Variants in TFDP2 observed in about 807,000 individuals in gnomAD.
The protein encoded by TFDP2 is transcription factor Dp-2 (E2F dimerization partner 2).
TFDP2 carries 17 observed loss-of-function variants against 59.3 expected under a neutral mutation model. That is an observed-to-expected ratio of 0.29 (90% CI 0.20 to 0.43). The LOEUF is 0.43. Among genes scored for constraint, TFDP2 ranks in the 20% least tolerant of loss-of-function variants. The probability of loss-of-function intolerance (pLI) is 1.00; values close to 1 mark genes in which losing one functional copy is unlikely to be tolerated. For missense variants in TFDP2, 391 were observed against 528.8 expected (o/e 0.74, Z 2.56); for synonymous variants, 180 against 194.7 (o/e 0.92, Z 0.63).
At position 141,969,232 on chromosome 3, in the gene TFDP2, G is replaced by GAT. The variant is rs551304839; in HGVS notation, c.732+839_732+840dup. ...ATATATATATATCTCATATATATGA[G>GAT]ATATATATATATATAACATATATAT... On this transcript the variant is annotated intron_variant, in intron 9 of 12. Coordinates refer to ENST00000489671, the MANE Select transcript of TFDP2 (RefSeq NM_001178139.2). Among the ~76,000 whole-genome samples the GAT allele has an allele frequency of 9.1e-4, 60 of 65,828 alleles. 4 individuals are homozygous for GAT. The highest frequency in any genetic ancestry group is 3.3e-3 in the East Asian group (10 of 3,072). The allele number at this position is 65,828 out of a possible 152,430, so 43.2% of individuals were successfully genotyped here.
chr3:142,034,051 G>GT (rs1560068126), intron 3 of TFDP2, among the ~76,000 whole-genome samples: 1 of 149,344 alleles, frequency 6.7e-6, no homozygotes, highest in Non-Finnish European at 1.5e-5. Context: ...AAATTTTTTA[G>GT]TGTGGTATCT....
chr3:142,100,705 AAC>A (rs1301699466), intron 2 of TFDP2, among the ~76,000 whole-genome samples: 1 of 150,630 alleles, frequency 6.6e-6, no homozygotes, highest in East Asian at 2.0e-4. Flanking sequence ...CCTCTCTCTG[AAC>A]AGGCTGGTCC....
intron 3 of TFDP2, among the ~76,000 whole-genome samples, chr3:142,085,935 A>G (rs1016985613): frequency 6.6e-6 from 1 of 152,234 alleles, no homozygotes; most frequent in Admixed American, 6.5e-5. Context: ...CTTGATTAGT[A>G]CCTTGCCTCT....
At position 141,955,546 on chromosome 3, in the gene TFDP2, G is replaced by A. The variant is rs376982153; in HGVS notation, c.1052-2530C>T. 1.7e-3 allele frequency among the ~76,000 whole-genome samples: 257 copies of A among 152,160 alleles called. 2 individuals are homozygous for A. The highest frequency in any genetic ancestry group is 5.8e-3 in the African/African-American group (241 of 41,500). On this transcript the variant is annotated intron_variant, in intron 11 of 12. Transcript: ENST00000489671. ...GGTGGGCTGAGGGGCAAGGAGAGGC[G>A]GGGGGCCCTTGCAGGGGATGAATGG... is the stretch of plus-strand genomic sequence containing the variant.
At chr3:142,047,192 G>A (rs1176118038) in intron 3 of TFDP2, among the ~76,000 whole-genome samples, 1 of 152,138 alleles carries the variant, frequency 6.6e-6, no homozygotes, top group South Asian at 2.1e-4. Context: ...ACTGAGAAAA[G>A]AAAAGAACTT....
At chr3:142,075,219 A>G (rs2060401343) in intron 3 of TFDP2, among the ~76,000 whole-genome samples, 1 of 152,226 alleles carries the variant, frequency 6.6e-6, no homozygotes, top group African/African-American at 2.4e-5. Flanking sequence ...ATCCATCAAA[A>G]TTAAGGACTT....
At chr3:142,003,007 CT>C (rs374593564) in intron 4 of TFDP2, among the ~76,000 whole-genome samples, 713 of 142,260 alleles carry the variant, frequency 5.0e-3, no homozygotes, top group Middle Eastern at 0.011. Flanking sequence ...CTCCCTTCAA[CT>C]TTTTTTTTTT....
At chr3:142,029,191 C>T (rs931146247) in intron 3 of TFDP2, 28 of 152,526 alleles carry the variant, frequency 1.8e-4, no homozygotes, top group African/African-American at 6.5e-4. Flanking sequence ...TCTTGAAAAA[C>T]TGGTCGGGGC....
chr3:142,070,233 A>G (rs1190461921), intron 3 of TFDP2, among the ~76,000 whole-genome samples: 1 of 152,106 alleles, frequency 6.6e-6, no homozygotes, highest in Non-Finnish European at 1.5e-5. Context: ...AATCCTGCAC[A>G]AACTTCTTAA....
intron 3 of TFDP2, among the ~76,000 whole-genome samples, chr3:142,022,244 AAAG>A: frequency 6.6e-6 from 1 of 152,340 alleles, no homozygotes; most frequent in Non-Finnish European, 1.5e-5. Flanking sequence ...CTGGACACCT[AAAG>A]ATTCAAAAAT....
Position 141,963,954 on chromosome 3 carries a change from A to G in TFDP2, c.742T>C (p.Phe248Leu), listed in dbSNP as rs765761864. 5 of 1,613,356 alleles carry G rather than the reference A, an allele frequency of 3.1e-6. No homozygotes were observed. The South Asian group carries it at 4.4e-5, about 14-fold the overall frequency. The part of the protein sequence containing the change: ...LQELLLQQIA[F>L]KNLVQRNRQN... ...CGATTTCTCTGTACCAGGTTTTTGA[A>G]AGCGATTTGCTGTAATGATCAATAA... Residue 248 changes from phenylalanine to leucine, a missense_variant, in exon 10 of 13, where the codon TTC (phenylalanine) becomes CTC (leucine). Around this residue, in one of 3 missense-constraint regions of TFDP2, gnomAD observed 223 missense variants for 292.5 expected, o/e 0.76. Coordinates refer to ENST00000489671, the MANE Select transcript of TFDP2 (RefSeq NM_001178139.2).
chr3:142,008,370 C>T (rs936516329), intron 3 of TFDP2, among the ~76,000 whole-genome samples: 2 of 152,110 alleles, frequency 1.3e-5, no homozygotes, highest in African/African-American at 4.8e-5. Context: ...CTCCACAACA[C>T]TTCCTAAATG....
intron 3 of TFDP2, among the ~76,000 whole-genome samples, chr3:142,006,246 C>A (rs1396390897): frequency 6.6e-6 from 1 of 152,084 alleles, no homozygotes; most frequent in Admixed American, 6.5e-5. Context: ...TACTTAATTC[C>A]CCCAACAAAC....
At chr3:142,105,091 T>G (rs2061432182) in intron 1 of TFDP2, among the ~76,000 whole-genome samples, 1 of 152,176 alleles carries the variant, frequency 6.6e-6, no homozygotes, top group African/African-American at 2.4e-5. Context: ...CCCTCCAGTT[T>G]ATACATATTC....
chr3:142,138,167 T>C (rs1360354945), intron 1 of TFDP2, among the ~76,000 whole-genome samples: 8 of 152,186 alleles, frequency 5.3e-5, no homozygotes, highest in Admixed American at 3.3e-4. Context: ...TGCGTAGAGG[T>C]GTTTATAGTA....
At chr3:142,133,957 C>T (rs2062614090) in intron 1 of TFDP2, among the ~76,000 whole-genome samples, 1 of 151,624 alleles carries the variant, frequency 6.6e-6, no homozygotes, top group Admixed American at 6.6e-5. Flanking sequence ...TCACTTGAAC[C>T]CTGGAGGTGG....
At chr3:142,014,784 C>T (rs1447341050) in intron 3 of TFDP2, among the ~76,000 whole-genome samples, 2 of 152,170 alleles carry the variant, frequency 1.3e-5, no homozygotes, top group Admixed American at 1.3e-4. Flanking sequence ...CTCATCAGCA[C>T]ATAAACATGC....
At chr3:142,088,594 G>A (rs1030307601) in intron 3 of TFDP2, among the ~76,000 whole-genome samples, 2 of 148,504 alleles carry the variant, frequency 1.3e-5, no homozygotes, top group Non-Finnish European at 3.0e-5. Context: ...GAGCCACTGC[G>A]CCAGGTCTTT....
chr3:142,007,057 A>C (rs1944276910), intron 3 of TFDP2, among the ~76,000 whole-genome samples: 1 of 152,184 alleles, frequency 6.6e-6, no homozygotes, highest in Non-Finnish European at 1.5e-5. Context: ...TACAGGCGTG[A>C]GCCACCACGC....
Sources: allele counts gnomAD v4.1 joint callset (sites outside exome capture counted in the v4.1 genomes callset), GRCh38; gene constraint gnomAD v4.1.1; regional missense constraint gnomAD v4.1.1; transcripts MANE v1.5; gene names NCBI Gene and HGNC (gene_info 2026-07-23, HGNC 2026-07-21).